ZFP69B: variants seen among roughly 807,000 people sequenced by gnomAD.
ZFP69B encodes the protein ZFP69 zinc finger protein B, also known as zinc finger protein 69 homolog B.
Under a neutral mutation model 19.7 loss-of-function variants are expected in ZFP69B, and 20 were observed. The observed-to-expected ratio is 1.02, with a 90% CI of 0.71 to 1.48. ZFP69B has a LOEUF of 1.48. Ranked by LOEUF, ZFP69B falls within the 40% of genes most tolerant of loss-of-function variation. The pLI is 0.00. For synonymous variants in ZFP69B, 220 were observed against 222.7 expected (o/e 0.99, Z 0.11); for missense variants, 583 against 632.6 (o/e 0.92, Z 0.84).
intron 1 of ZFP69B, among the ~76,000 whole-genome samples, 185 bp downstream of exon 1, chr1:40,451,273 T>TA (rs1645183607): frequency 6.6e-6 from 1 of 152,172 alleles, no homozygotes. Flanking sequence ...CTAGGACCAG[T>TA]ATTTCAGTGT....
chr1:40,463,214 G>A lies in ZFP69B; in HGVS notation c.1230G>A (p.Glu410=), dbSNP rs565408940. 6.2e-7 allele frequency: 1 copy of A among 1,614,164 alleles called. No individual in the cohort carries two copies. The highest frequency in any genetic ancestry group is 2.2e-5 in the East Asian group (1 of 44,864). ...AGATTAGACACCTTAGGCAACATGA[G>A]ATTATTCATACTGGTGTGAAACCCT... is the stretch of plus-strand genomic sequence containing the variant. ...FFQIRHLRQH[E]IIHTGVKPYI... Residue 410 remains glutamate (E), a synonymous_variant, in exon 5 of 5, where the codon GAG becomes GAA. Transcript: ENST00000361584.
intron 1 of ZFP69B, among the ~76,000 whole-genome samples, chr1:40,453,402 T>C (rs1170554826): frequency 6.6e-6 from 1 of 151,438 alleles, no homozygotes; most frequent in Non-Finnish European, 1.5e-5. Flanking sequence ...AATACTCAAC[T>C]GAGAGAGATA....
chr1:40,457,826 C>T (rs1278186563), intron 4 of ZFP69B, among the ~76,000 whole-genome samples: 1 of 152,132 alleles, frequency 6.6e-6, no homozygotes, highest in Non-Finnish European at 1.5e-5. Flanking sequence ...ATCGGTTTCA[C>T]TGTCTCTCAA....
intron 1 of ZFP69B, among the ~76,000 whole-genome samples, chr1:40,451,889 T>C (rs1645190505): frequency 6.6e-6 from 1 of 152,132 alleles, no homozygotes; most frequent in African/African-American, 2.4e-5. Flanking sequence ...GGTGGGCGGA[T>C]TGCTTGAGAC....
In ZFP69B at chr1:40,463,617, T is replaced by C. The variant is rs576338064; in HGVS notation, c.*28T>C. ...TATACTAAACATCAAAGAATCTATG[T>C]TGGAGCACAAGATTCTAAATCAGTG... On this transcript the variant is annotated 3_prime_UTR_variant, in exon 5 of 5. Transcript: ENST00000361584. 75 of 1,529,248 alleles carry C rather than the reference T, an allele frequency of 4.9e-5. No individual in the cohort carries two copies. The highest frequency in any genetic ancestry group is 6.2e-5 in the Non-Finnish European group (70 of 1,132,856). 94.7% of individuals were successfully genotyped at this position (1,529,248 alleles called of 1,614,324 possible). A position where few individuals can be genotyped will look rare whatever the true frequency, so the allele number is the denominator to read the frequency against.
intron 4 of ZFP69B, among the ~76,000 whole-genome samples, chr1:40,460,979 CAAAAA>C (rs35932276): frequency 5.3e-5 from 4 of 75,384 alleles, no homozygotes; most frequent in Admixed American, 3.2e-4. Context: ...GACTTTGTCT[CAAAAA>C]AAAAAAAAAA....
At chr1:40,457,987 C>T (rs1051198248) in intron 4 of ZFP69B, among the ~76,000 whole-genome samples, 2 of 152,154 alleles carry the variant, frequency 1.3e-5, no homozygotes, top group Non-Finnish European at 2.9e-5. Flanking sequence ...CTTAGCAGAT[C>T]CAGTGGCTTT....
intron 2 of ZFP69B, among the ~76,000 whole-genome samples, chr1:40,455,852 C>T (rs12568114): frequency 0.056 from 8,531 of 152,140 alleles, 403 homozygotes; most frequent in East Asian, 0.21. Flanking sequence ...TGAGAACATC[C>T]GGTGTTTTGT....
At chr1:40,457,306 G>A in intron 3 of ZFP69B, 38 bp from the exon 4 acceptor site, 1 of 1,602,634 alleles carries the variant, frequency 6.2e-7, no homozygotes, top group Non-Finnish European at 8.5e-7. Context: ...ATGGCTCTGT[G>A]ACCTCAGCAT....
chr1:40,459,879 G>A (rs2036198), intron 4 of ZFP69B, among the ~76,000 whole-genome samples: 16,760 of 152,150 alleles, frequency 0.11, 1,024 homozygotes, highest in Non-Finnish European at 0.15. Context: ...TGAACAGGAA[G>A]TATTGGTGCT....
intron 1 of ZFP69B, 90 bp downstream of exon 1, chr1:40,451,178 G>A: frequency 7.3e-7 from 1 of 1,373,840 alleles, no homozygotes. Context: ...CATCTCTTAG[G>A]GAGACGAGTG....
At position 40,450,973 on chromosome 1, in the gene ZFP69B, G is replaced by T; in HGVS notation, c.12G>T (p.Gln4His). The change falls in exon 1 of 5, where the codon CAG (glutamine) becomes CAT (histidine). Residue 4 changes from glutamine (Q) to histidine (H), a missense_variant. Physicochemically the swap from Gln to His is conservative, Grantham distance 24. Transcript: ENST00000361584. MLQ[Q>H]LLITLPTEAS... ...GTGCGGACGCCGTCATGCTGCAGCA[G>T]CTCCTGATCACCCTGCCCACCGAGG... 1 of 1,549,518 alleles carries T rather than the reference G, an allele frequency of 6.5e-7. No homozygotes were observed. The highest frequency in any genetic ancestry group is 8.7e-7 in the Non-Finnish European group (1 of 1,146,094).
chr1:40,451,056 G>A lies in ZFP69B; in HGVS notation c.95G>A (p.Trp32Ter), dbSNP rs1645181578. The A allele has an allele frequency of 6.5e-7, 1 of 1,548,792 alleles. No individual in the cohort carries two copies. Among genetic ancestry groups the A allele is most frequent in the African/African-American group, 1.4e-5 (1 of 72,908 alleles). Residue 32 changes from tryptophan (W) to a stop codon, truncating the protein, a stop_gained, in exon 1 of 5, where the codon TGG (tryptophan) becomes TAG (stop). Coordinates refer to ENST00000361584, the MANE Select transcript of ZFP69B (RefSeq NM_023070.3). LOFTEE classifies it high-confidence loss of function. ...PKAATERVAL[W>*]EDVTKMFKAE... is the part of the protein sequence containing the mutation. The stretch of plus-strand genomic sequence containing the variant: ...GCGGCCACGGAGCGGGTGGCCCTGT[G>A]GGAGGATGTGACTAAGATGTTTAAA...
In ZFP69B at chr1:40,454,140, G is replaced by A. The variant is rs573207283; in HGVS notation, c.128-63G>A. 166 of 1,343,232 alleles carry A rather than the reference G, an allele frequency of 1.2e-4. 2 individuals are homozygous for A. In the South Asian group the frequency reaches 1.8e-3, roughly 14 times the overall value. 83.2% of individuals were successfully genotyped at this position (1,343,232 alleles called of 1,614,324 possible). A position where few individuals can be genotyped will look rare whatever the true frequency, so the allele number is the denominator to read the frequency against. On this transcript the variant is annotated intron_variant, in intron 1 of 4. Transcript: ENST00000361584. Reference sequence around the variant, plus strand: ...AGAAGCCACAATGAGTGGGTCTGTAGGCAGTTTCTCTGTTTGGGTGATTTG... The same window carrying A: ...AGAAGCCACAATGAGTGGGTCTGTAAGCAGTTTCTCTGTTTGGGTGATTTG...
In ZFP69B at chr1:40,457,084, T is replaced by A; in HGVS notation, c.340+13T>A. 6.3e-7 allele frequency: 1 copy of A among 1,588,180 alleles called. No homozygotes were observed. Among genetic ancestry groups the A allele is most frequent in the South Asian group, 1.2e-5 (1 of 86,556 alleles). ...CTGGTCTCAGTGGGTAAGGATGGGC[T>A]CCTCTTGAAAATAGAACGTACCTAT... On this transcript the variant is annotated intron_variant, in intron 3 of 4. Transcript: ENST00000361584.
intron 4 of ZFP69B, among the ~76,000 whole-genome samples, chr1:40,460,749 G>A (rs3013470): frequency 3.3e-5 from 5 of 152,022 alleles, no homozygotes; most frequent in Admixed American, 2.0e-4. Context: ...TTGGGAGGCC[G>A]AGGCGGGCGG....
At chr1:40,460,226 T>G (rs572205064) in intron 4 of ZFP69B, among the ~76,000 whole-genome samples, 2 of 152,344 alleles carry the variant, frequency 1.3e-5, no homozygotes, top group East Asian at 3.9e-4. Context: ...TGTATAATGA[T>G]GTACTATGGT....
Position 40,463,700 on chromosome 1 carries a change from A to C in ZFP69B, c.*111A>C. 9.6e-7 allele frequency: 1 copy of C among 1,036,344 alleles called. No homozygotes were observed. Among genetic ancestry groups the C allele is most frequent in the Non-Finnish European group, 1.4e-6 (1 of 730,396 alleles). The allele number at this position is 1,036,344 out of a possible 1,614,324, so 64.2% of individuals were successfully genotyped here. A position where few individuals can be genotyped will look rare whatever the true frequency, so the allele number is the denominator to read the frequency against. On this transcript the variant is annotated 3_prime_UTR_variant, in exon 5 of 5. Coordinates refer to ENST00000361584, the MANE Select transcript of ZFP69B (RefSeq NM_023070.3). ...TGGATTTCCAAAAACGAACATTAAA[A>C]AAAAATGGTTTGGCACAATGTTCCC...
At chr1:40,454,349 GT>G (rs1343617313) in intron 2 of ZFP69B, 61 bp downstream of exon 2, 1 of 1,269,662 alleles carries the variant, frequency 7.9e-7, no homozygotes, top group Admixed American at 2.8e-5. Flanking sequence ...GAGCGCAGGA[GT>G]TTGATTTTCT....
Sources: gnomAD v4.1 joint callset for allele counts (sites outside exome capture counted in the v4.1 genomes callset) on GRCh38, gnomAD v4.1.1 for gene constraint, MANE v1.5 for transcripts, NCBI Gene and HGNC (gene_info 2026-07-23, HGNC 2026-07-21) for gene names.